Variants in ZDHHC14 observed in about 807,000 individuals in gnomAD.
ZDHHC14 encodes the protein palmitoyltransferase ZDHHC14.
ZDHHC14 carries 16 observed loss-of-function variants against 47.7 expected under a neutral mutation model. The ratio of observed to expected loss-of-function variants is 0.34; its 90% CI spans 0.23 to 0.51. The LOEUF (loss-of-function observed/expected upper bound fraction) is 0.51, where lower values mean the gene tolerates loss of function less well. Among genes scored for constraint, ZDHHC14 ranks in the 20% least tolerant of loss-of-function variants. ZDHHC14 has a pLI of 0.97. For missense variants in ZDHHC14, 515 were observed against 662.5 expected (o/e 0.78, Z 2.44); for synonymous variants, 293 against 278.9 (o/e 1.05, Z -0.50).
In ZDHHC14 at chr6:157,382,246, C is replaced by T. The variant is rs536620599; in HGVS notation, c.225C>T (p.Ser75=). The stretch of plus-strand genomic sequence containing the variant: ...CGCTCGTCCTCATCCTGGTCACTAG[C>T]GGACTCTTCTTCGCCTTCGAGTAAG... ...YLTLVLILVT[S]GLFFAFDCPY... Residue 75 remains serine (S), a synonymous_variant, in exon 1 of 9, where the codon AGC becomes AGT. Transcript: ENST00000359775. The T allele has an allele frequency of 1.2e-6, 2 of 1,611,088 alleles. No homozygotes were observed. Among genetic ancestry groups the T allele is most frequent in the African/African-American group, 2.7e-5 (2 of 74,892 alleles).
intron 1 of ZDHHC14, among the ~76,000 whole-genome samples, chr6:157,499,376 G>A (rs1456330413): frequency 6.6e-6 from 1 of 152,064 alleles, no homozygotes. Context: ...TCCTCGTGTG[G>A]CTGAGGGAGC....
chr6:157,558,829 T>C (rs1388541869), intron 2 of ZDHHC14, among the ~76,000 whole-genome samples: 1 of 151,556 alleles, frequency 6.6e-6, no homozygotes, highest in Non-Finnish European at 1.5e-5. Context: ...TCAAGTAATG[T>C]AGATCAGAGA....
chr6:157,466,485 T>TA (rs1265976464), intron 1 of ZDHHC14, among the ~76,000 whole-genome samples: 5 of 152,220 alleles, frequency 3.3e-5, no homozygotes, highest in African/African-American at 7.2e-5. Flanking sequence ...ATGTGTTATT[T>TA]AAAAAATTGA....
rs1401987013 is a variant in ZDHHC14, at chr6:157,674,889, T to C, written c.*1767T>C. On this transcript the variant is annotated 3_prime_UTR_variant, in exon 9 of 9. Coordinates refer to ENST00000359775, the MANE Select transcript of ZDHHC14 (RefSeq NM_024630.3). ...GAAAATGGAATAGGTCCATTCTATG[T>C]AGCCATTTTTGATTTTCTGAACCAC... is the stretch of plus-strand genomic sequence containing the variant. 6.6e-6 allele frequency: 1 copy of C among 152,218 alleles called. No individual in the cohort carries two copies. Among genetic ancestry groups the C allele is most frequent in the East Asian group, 1.9e-4 (1 of 5,198 alleles). The allele number at this position is 152,218 out of a possible 1,614,324, so 9.4% of individuals were successfully genotyped here.
intron 1 of ZDHHC14, among the ~76,000 whole-genome samples, chr6:157,441,742 G>T (rs1273918294): frequency 6.6e-6 from 1 of 152,302 alleles, no homozygotes; most frequent in East Asian, 1.9e-4. Context: ...GGAGGCTGAG[G>T]TGGGAGACTC....
chr6:157,403,976 G>A (rs1371491412), intron 1 of ZDHHC14, among the ~76,000 whole-genome samples: 1 of 152,218 alleles, frequency 6.6e-6, no homozygotes, highest in East Asian at 1.9e-4. Context: ...GCCTGCACAA[G>A]CCAGGTGCTG....
At chr6:157,503,153 T>C (rs1249746254) in intron 1 of ZDHHC14, among the ~76,000 whole-genome samples, 1 of 152,174 alleles carries the variant, frequency 6.6e-6, no homozygotes, top group African/African-American at 2.4e-5. Context: ...AGTTGAGCAG[T>C]GTGATCGGGG....
chr6:157,528,497 T>C (rs1002871838), intron 1 of ZDHHC14, among the ~76,000 whole-genome samples: 7 of 151,714 alleles, frequency 4.6e-5, no homozygotes, highest in Non-Finnish European at 1.0e-4. Context: ...TTTGGGAGGC[T>C]GAGGCGGGCA....
chr6:157,651,007 G>A (rs946837327), intron 7 of ZDHHC14, among the ~76,000 whole-genome samples: 1 of 152,182 alleles, frequency 6.6e-6, no homozygotes, highest in Non-Finnish European at 1.5e-5. Flanking sequence ...ACCTGCCACT[G>A]CAGCCCCAGG....
chr6:157,599,568 C>T (rs1191146362), intron 3 of ZDHHC14, among the ~76,000 whole-genome samples: 1 of 152,108 alleles, frequency 6.6e-6, no homozygotes, highest in Non-Finnish European at 1.5e-5. Context: ...GGGGTTCTCC[C>T]CAAACAGGAA....
intron 1 of ZDHHC14, among the ~76,000 whole-genome samples, chr6:157,507,592 T>A (rs529659409): frequency 6.6e-6 from 1 of 152,166 alleles, no homozygotes; most frequent in Non-Finnish European, 1.5e-5. Flanking sequence ...TCCTGACTTG[T>A]TTTTGTATTT....
chr6:157,536,317 A>G (rs1410455930), intron 1 of ZDHHC14, among the ~76,000 whole-genome samples: 9 of 152,212 alleles, frequency 5.9e-5, no homozygotes, highest in Admixed American at 5.9e-4. Flanking sequence ...GACCAAAAAT[A>G]TCAAATGTAG....
intron 3 of ZDHHC14, among the ~76,000 whole-genome samples, chr6:157,610,631 G>T (rs931670261): frequency 2.6e-5 from 4 of 152,154 alleles, no homozygotes; most frequent in Non-Finnish European, 4.4e-5. Context: ...AGGCAGCGTT[G>T]GCCCACAGAG....
At chr6:157,414,488 T>C (rs1777934500) in intron 1 of ZDHHC14, among the ~76,000 whole-genome samples, 4 of 152,134 alleles carry the variant, frequency 2.6e-5, no homozygotes. Context: ...ATGCTGTGCT[T>C]GGAGGAAGGG....
chr6:157,508,767 C>G (rs1395501682), intron 1 of ZDHHC14, among the ~76,000 whole-genome samples: 1 of 152,122 alleles, frequency 6.6e-6, no homozygotes, highest in African/African-American at 2.4e-5. Flanking sequence ...ATTTATTTAA[C>G]TTTATCTTCT....
intron 1 of ZDHHC14, among the ~76,000 whole-genome samples, chr6:157,480,976 A>C (rs1779615116): frequency 6.6e-6 from 1 of 152,232 alleles, no homozygotes; most frequent in African/African-American, 2.4e-5. Context: ...GTTTTGTTAC[A>C]AGAGCTAGAG....
intron 2 of ZDHHC14, among the ~76,000 whole-genome samples, chr6:157,585,959 G>A (rs1316910094): frequency 2.0e-5 from 3 of 152,252 alleles, no homozygotes; most frequent in Non-Finnish European, 4.4e-5. Flanking sequence ...CAGGCAGGGT[G>A]GAGGTGCGGG....
chr6:157,512,792 A>G (rs900324296), intron 1 of ZDHHC14, among the ~76,000 whole-genome samples: 3 of 152,228 alleles, frequency 2.0e-5, no homozygotes, highest in African/African-American at 7.2e-5. Context: ...CTGTACACTC[A>G]TCAGAATGTA....
Position 157,638,208 on chromosome 6 carries a change from G to A in ZDHHC14, c.752+5326G>A, listed in dbSNP as rs139680228. Among the ~76,000 whole-genome samples, 689 of 152,302 alleles carry A rather than the reference G, an allele frequency of 4.5e-3. 4 individuals are homozygous for A. The highest frequency in any genetic ancestry group is 0.015 in the African/African-American group (643 of 41,560). On this transcript the variant is annotated intron_variant, in intron 5 of 8. Coordinates refer to ENST00000359775, the MANE Select transcript of ZDHHC14 (RefSeq NM_024630.3). ...AGTCTGCACCATCAGCCCTCCCAGG[G>A]GTGAGGGATAGGGCAGGGTGCCCAC...
Sources: gnomAD v4.1 joint callset for allele counts (sites outside exome capture counted in the v4.1 genomes callset) on GRCh38, gnomAD v4.1.1 for gene constraint, MANE v1.5 for transcripts, NCBI Gene and HGNC (gene_info 2026-07-23, HGNC 2026-07-21) for gene names.